SF1: variants seen among roughly 807,000 people sequenced by gnomAD.
The protein encoded by SF1 is splicing factor 1.
A neutral mutation model predicts 62.5 loss-of-function variants in SF1; 7 were observed. That is an observed-to-expected ratio of 0.11 (90% confidence interval 0.06 to 0.21). SF1 has a LOEUF of 0.21. Ranked by LOEUF, SF1 falls within the 10% of genes least tolerant of loss-of-function variation. The pLI, the probability that SF1 is intolerant of heterozygous loss-of-function variation, is 1.00. For synonymous variants in SF1, 394 were observed against 323.6 expected (o/e 1.22, Z -2.33); for missense variants, 578 against 884.0 (o/e 0.65, Z 4.39).
At chr11:64,777,376 G>T in intron 1 of SF1, 1 of 427,616 alleles carries the variant, frequency 2.3e-6, no homozygotes, top group Non-Finnish European at 3.1e-6. Flanking sequence ...AAAGCGACAG[G>T]GCAGCCGATC....
Position 64,776,561 on chromosome 11 carries a change from T to C in SF1, c.97A>G (p.Ile33Val). ...GGAATAACTGTAGGCATTCCTGGAA[T>C]CACTGTCTTCTGTTCCATTGTGTCT... is the stretch of plus-strand genomic sequence containing the variant. ...NQDTMEQKTV[I>V]PGMPTVIPPG... The change falls in exon 2 of 13, where the codon ATT (isoleucine) becomes GTT (valine). Residue 33 changes from isoleucine to valine, a missense_variant. Coordinates refer to ENST00000377390, the MANE Select transcript of SF1 (RefSeq NM_004630.4). 6.3e-7 allele frequency: 1 copy of C among 1,583,786 alleles called. No homozygotes were observed. Among genetic ancestry groups the C allele is most frequent in the Non-Finnish European group, 8.6e-7 (1 of 1,168,880 alleles).
At chr11:64,768,389 A>G in intron 8 of SF1, 103 bp from the exon 9 acceptor site, 2 of 1,007,504 alleles carry the variant, frequency 2.0e-6, no homozygotes, top group Admixed American at 2.2e-5. Flanking sequence ...GAAGAATTCA[A>G]TCACCAGATC....
chr11:64,768,315 GA>G, intron 8 of SF1, 29 bp from the exon 9 acceptor site: 2 of 1,600,956 alleles, frequency 1.2e-6, no homozygotes, highest in Non-Finnish European at 1.7e-6. Flanking sequence ...CACAAACAGA[GA>G]AAGGGGAAAA....
chr11:64,765,580 A>T lies in SF1; in HGVS notation c.*238T>A. 6.5e-7 allele frequency: 1 copy of T among 1,548,326 alleles called. No individual in the cohort carries two copies. Among genetic ancestry groups the T allele is most frequent in the Admixed American group, 2.0e-5 (1 of 49,132 alleles). ...GGTGAGGAGAGAAAGAAGACAAAGA[A>T]GACACTCGATGCTACGGGGCGCCAG... On this transcript the variant is annotated 3_prime_UTR_variant, in exon 13 of 13. Transcript: ENST00000377390.
chr11:64,769,575 T>G lies in SF1; in HGVS notation c.514A>C (p.Asn172His), dbSNP rs764997849. ...NTLKNIEKEC[N>H]AKIMIRGKGS... ...TTCCCCCGGATCATAATCTTGGCATTGCACTCCTTCTCTATGTTCTTCAGG... is the reference window on the plus strand; with the variant it reads ...TTCCCCCGGATCATAATCTTGGCATGGCACTCCTTCTCTATGTTCTTCAGG... Residue 172 changes from asparagine to histidine, a missense_variant, in exon 6 of 13, where the codon AAT (asparagine) becomes CAT (histidine). Asn to His is a moderately conservative substitution (Grantham distance 68, BLOSUM62 1). Around this residue, in one of 7 missense-constraint regions of SF1, gnomAD observed 16 missense variants for 59.3 expected, o/e 0.27. Transcript: ENST00000377390. 4.3e-6 allele frequency: 7 copies of G among 1,613,994 alleles called. No homozygotes were observed. The highest frequency in any genetic ancestry group is 5.1e-6 in the Non-Finnish European group (6 of 1,180,024).
At chr11:64,768,955 G>C (rs1378062441) in intron 8 of SF1, 67 bp downstream of exon 8, 3 of 1,008,888 alleles carry the variant, frequency 3.0e-6, no homozygotes, top group East Asian at 2.4e-5. Context: ...AGCAACCAAT[G>C]AATGTGCCAG....
intron 2 of SF1, among the ~76,000 whole-genome samples, chr11:64,774,412 G>C (rs1001591359): frequency 2.6e-5 from 4 of 152,194 alleles, no homozygotes; most frequent in Admixed American, 2.6e-4. Flanking sequence ...AAGATAATGG[G>C]AACTGCAGAG....
chr11:64,777,773 G>A (rs1011737616), intron 1 of SF1: 22 of 984,534 alleles, frequency 2.2e-5, no homozygotes, highest in Middle Eastern at 5.2e-4. Flanking sequence ...CGCACAGAGC[G>A]CCTCCCGCCC....
At chr11:64,771,730 A>G (rs1938351956) in intron 3 of SF1, 3 of 985,326 alleles carry the variant, frequency 3.0e-6, no homozygotes, top group African/African-American at 1.7e-5. Context: ...TTAAGTCTAC[A>G]AGAAAAGTTT....
At position 64,776,622 on chromosome 11, in the gene SF1, G is replaced by C; in HGVS notation, c.36C>G (p.Phe12Leu). The C allele has an allele frequency of 6.2e-7, 1 of 1,601,690 alleles. No individual in the cohort carries two copies. Among genetic ancestry groups the C allele is most frequent in the Non-Finnish European group, 8.5e-7 (1 of 1,176,736 alleles). The change falls in exon 2 of 13, where the codon TTC (phenylalanine) becomes TTG (leucine). Residue 12 changes from phenylalanine to leucine, a missense_variant. Phe to Leu is a conservative substitution (Grantham distance 22, BLOSUM62 0). Coordinates refer to ENST00000377390, the MANE Select transcript of SF1 (RefSeq NM_004630.4). Reference protein sequence around the residue: ...ATGANATPLDFPSKKRKRSRW... With the variant: ...ATGANATPLDLPSKKRKRSRW... ...GGCTCCTCTTCCGCTTCTTACTTGG[G>C]AAGTCTAAAAGGCAGAGACAAAATC...
chr11:64,769,906 G>A (rs532662869), intron 5 of SF1, 58 bp downstream of exon 5: 21 of 1,315,894 alleles, frequency 1.6e-5, no homozygotes, highest in Admixed American at 1.1e-4. Context: ...GGCACAAAAC[G>A]GACACATCTC....
At chr11:64,770,619 G>A (rs1297322574) in intron 3 of SF1, 4 of 453,390 alleles carry the variant, frequency 8.8e-6, no homozygotes, top group Non-Finnish European at 1.6e-5. Context: ...GTGTGAGAAA[G>A]GAAAAAAATA....
chr11:64,765,787 TATATA>T lies in SF1; in HGVS notation c.*26_*30del. The T allele has an allele frequency of 6.6e-7, 1 of 1,516,094 alleles. No homozygotes were observed. Among genetic ancestry groups the T allele is most frequent in the Non-Finnish European group, 8.8e-7 (1 of 1,134,172 alleles). 93.9% of individuals were successfully genotyped at this position (1,516,094 alleles called of 1,614,324 possible). A position where few individuals can be genotyped will look rare whatever the true frequency, so the allele number is the denominator to read the frequency against. On this transcript the variant is annotated 3_prime_UTR_variant, in exon 13 of 13. Coordinates refer to ENST00000377390, the MANE Select transcript of SF1 (RefSeq NM_004630.4). ...GTTTAAACGAGACCAATTCTCTCTA[TATATA>T]ATATATATTTTCTTAAAAAACAAGT...
chr11:64,772,625 A>G, intron 3 of SF1: 1 of 985,214 alleles, frequency 1.0e-6, no homozygotes, highest in Non-Finnish European at 1.2e-6. Context: ...AAATTCAGTG[A>G]GAGGGAGAGA....
chr11:64,770,074 T>A, intron 4 of SF1, 21 bp from the exon 5 acceptor site: 1 of 1,601,736 alleles, frequency 6.2e-7, no homozygotes, highest in Non-Finnish European at 8.6e-7. Flanking sequence ...AAAGCCTGTG[T>A]CACCGCACAT....
Position 64,769,417 on chromosome 11 carries a change from A to C in SF1, c.663+9T>G. On this transcript the variant is annotated intron_variant, in intron 6 of 12. Coordinates refer to ENST00000377390, the MANE Select transcript of SF1 (RefSeq NM_004630.4). ...GCTAGGAGGCTTCCTTTCTGGGCTC[A>C]CCGCTCACCTGTTCCACTGCCTTTT... is the stretch of plus-strand genomic sequence containing the variant. 1 of 1,613,940 alleles carries C rather than the reference A, an allele frequency of 6.2e-7. No homozygotes were observed. The highest frequency in any genetic ancestry group is 8.5e-7 in the Non-Finnish European group (1 of 1,179,854).
At chr11:64,777,473 C>T in intron 1 of SF1, 1 of 983,422 alleles carries the variant, frequency 1.0e-6, no homozygotes, top group Non-Finnish European at 1.2e-6. Context: ...AAGATCAGAC[C>T]CAACCATCAT....
In SF1 at chr11:64,778,177, A is replaced by G. The variant is rs541989928; in HGVS notation, c.31+185T>C. The G allele has an allele frequency of 7.5e-5, 68 of 908,960 alleles. No individual in the cohort carries two copies. In the South Asian group the frequency reaches 2.2e-3, roughly 29 times the overall value. The allele number at this position is 908,960 out of a possible 1,614,324, so 56.3% of individuals were successfully genotyped here. A position where few individuals can be genotyped will look rare whatever the true frequency, so the allele number is the denominator to read the frequency against. ...GGGGAGGCGGAGGGGGCGGCGGCGG[A>G]GGCGGCGGAGGCAGCGCCGCGAAGG... On this transcript the variant is annotated intron_variant, in intron 1 of 12. Coordinates refer to ENST00000377390, the MANE Select transcript of SF1 (RefSeq NM_004630.4).
At chr11:64,777,770 AGC>A in intron 1 of SF1, 1 of 985,144 alleles carries the variant, frequency 1.0e-6, no homozygotes, top group Non-Finnish European at 1.2e-6. Context: ...CTGCGCACAG[AGC>A]GCCTCCCGCC....
Sources: gnomAD v4.1 joint callset for allele counts (sites outside exome capture counted in the v4.1 genomes callset) on GRCh38, gnomAD v4.1.1 for gene constraint, gnomAD v4.1.1 regional missense constraint, MANE v1.5 for transcripts, NCBI Gene and HGNC (gene_info 2026-07-23, HGNC 2026-07-21) for gene names.